FDX2: variants seen among roughly 807,000 people sequenced by gnomAD.
FDX2 encodes the protein ferredoxin-2, mitochondrial.
In FDX2, 13 loss-of-function variants were observed where a neutral mutation model predicts 18.5. The observed-to-expected ratio is 0.70, with a 90% CI of 0.46 to 1.12. The LOEUF (loss-of-function observed/expected upper bound fraction) is 1.12. Ranked by LOEUF, FDX2 falls within the 50% of genes most tolerant of loss-of-function variation. The pLI is 0.00. For missense variants in FDX2, 238 were observed against 250.4 expected (o/e 0.95, Z 0.34); for synonymous variants, 132 against 106.2 (o/e 1.24, Z -1.49).
rs115898167 is a variant in FDX2 at position 10,314,335 on chromosome 19, C to A, written c.316+1051G>T. 7.3e-3 allele frequency among the ~76,000 whole-genome samples: 1,110 copies of A among 152,302 alleles called. 15 individuals carry two copies. The highest frequency in any genetic ancestry group is 0.026 in the African/African-American group (1,065 of 41,554). On this transcript the variant is annotated intron_variant, in intron 3 of 4. Transcript: ENST00000393708. ...TCAACAAATTATCAAACATCTGTTA[C>A]ATCTTGACAGGCAACAGATAAGCAT...
chr19:10,311,764 C>G (rs1207228367), intron 3 of FDX2, among the ~76,000 whole-genome samples: 1 of 146,718 alleles, frequency 6.8e-6, no homozygotes, highest in Non-Finnish European at 1.5e-5. Flanking sequence ...AGTGCCATGG[C>G]TCAGTCATAG....
chr19:10,312,662 C>T (rs8101473), intron 3 of FDX2, among the ~76,000 whole-genome samples: 127,953 of 152,090 alleles, frequency 0.84, 54,457 homozygotes, highest in African/African-American at 0.93. Context: ...CCTCCCAGAG[C>T]AGCTGGGACT....
rs1384753712 is a variant in FDX2 at position 10,310,904 on chromosome 19, T to C, written c.353A>G (p.His118Arg). 12 of 1,613,356 alleles carry C rather than the reference T, an allele frequency of 7.4e-6. No individual in the cohort carries two copies. The highest frequency in any genetic ancestry group is 1.0e-5 in the Non-Finnish European group (12 of 1,179,810). Reference sequence around the variant, plus strand: ...CAGGTGGTCTTCACTCACATACACATGGCAGGTGGAGCAGGCCAGGGAGGC... The same window carrying C: ...CAGGTGGTCTTCACTCACATACACACGGCAGGTGGAGCAGGCCAGGGAGGC... The change falls in exon 4 of 5, where the codon CAT (histidine) becomes CGT (arginine). Residue 118 changes from histidine to arginine, a missense_variant. By Grantham distance (29) the His-to-Arg change is conservative (BLOSUM62 0). Coordinates refer to ENST00000393708, the MANE Select transcript of FDX2 (RefSeq NM_001031734.4).
chr19:10,310,700 GC>G, intron 4 of FDX2, 58 bp from the exon 5 acceptor site: 1 of 808,780 alleles, frequency 1.2e-6, no homozygotes, highest in Non-Finnish European at 1.9e-6. Flanking sequence ...TGGGTGGGGG[GC>G]CAGAGGTGGG....
rs142497681 is a variant in FDX2 at position 10,315,615 on chromosome 19, G to A, written c.209+90C>T. The A allele has an allele frequency of 1.2e-4, 188 of 1,516,984 alleles. No individual in the cohort carries two copies. In the East Asian group the frequency reaches 4.5e-3, roughly 36 times the overall value. 94.0% of individuals were successfully genotyped at this position (1,516,984 alleles called of 1,614,324 possible). On this transcript the variant is annotated intron_variant, in intron 2 of 4. Transcript: ENST00000393708. ...AGGTACTGAATAGGGCAAAGCAGAA[G>A]GGGGACCTCGAGATGAAGCTACAGG... is the stretch of plus-strand genomic sequence containing the variant.
Position 10,310,499 on chromosome 19 carries a change from G to A in FDX2, c.548C>T (p.Pro183Leu). Reference sequence around the variant, plus strand: ...CAGGTGTTCATGTCAGTGGGGCTTGGGGACATGGCCATCCACGTAGAAGTT... The same window carrying A: ...CAGGTGTTCATGTCAGTGGGGCTTGAGGACATGGCCATCCACGTAGAAGTT... The change falls in exon 5 of 5, where the codon CCC becomes CTC. Residue 183 changes from proline (P) to leucine (L), a missense_variant. Coordinates refer to ENST00000393708, the MANE Select transcript of FDX2 (RefSeq NM_001031734.4). 1 of 1,614,170 alleles carries A rather than the reference G, an allele frequency of 6.2e-7. No homozygotes were observed. Among genetic ancestry groups the A allele is most frequent in the Non-Finnish European group, 8.5e-7 (1 of 1,180,026 alleles).
At chr19:10,311,697 G>A (rs2040326369) in intron 3 of FDX2, among the ~76,000 whole-genome samples, 1 of 145,314 alleles carries the variant, frequency 6.9e-6, no homozygotes, top group African/African-American at 2.5e-5. Context: ...ACTGCACCCG[G>A]CCAGGATTTT....
chr19:10,311,475 G>A (rs1407119426), intron 3 of FDX2, among the ~76,000 whole-genome samples: 2 of 150,516 alleles, frequency 1.3e-5, no homozygotes, highest in Admixed American at 6.7e-5. Flanking sequence ...TCGGCTCACT[G>A]CAAGCTCTGC....
intron 3 of FDX2, among the ~76,000 whole-genome samples, chr19:10,311,624 T>C (rs2040325461): frequency 6.6e-6 from 1 of 151,418 alleles, no homozygotes; most frequent in Non-Finnish European, 1.5e-5. Flanking sequence ...ATGGTCTTGA[T>C]CTCCTGACCT....
rs563357533 is a variant in FDX2 at position 10,315,782 on chromosome 19, C to G, written c.155-23G>C. 14 of 1,602,000 alleles carry G rather than the reference C, an allele frequency of 8.7e-6. No homozygotes were observed. The South Asian group carries it at 1.3e-4, about 15-fold the overall frequency. ...AGCCTGGAAAACACGGTTCGGTGAG[C>G]GGCTGCGCCGAGCCCCGCCCCGCCG... On this transcript the variant is annotated intron_variant, in intron 1 of 4. Coordinates refer to ENST00000393708, the MANE Select transcript of FDX2 (RefSeq NM_001031734.4).
chr19:10,314,015 G>A (rs895468214), intron 3 of FDX2, among the ~76,000 whole-genome samples: 2 of 136,116 alleles, frequency 1.5e-5, no homozygotes. Flanking sequence ...ACAGAGTCCC[G>A]CTCTGTCATG....
chr19:10,311,011 AGAG>A (rs1249096007), intron 3 of FDX2, 71 bp from the exon 4 acceptor site: 7 of 1,147,736 alleles, frequency 6.1e-6, no homozygotes, highest in Admixed American at 2.0e-5. Flanking sequence ...CGAATGGCGT[AGAG>A]GAGTAGACCT....
chr19:10,312,094 T>G (rs997198836), intron 3 of FDX2, among the ~76,000 whole-genome samples: 1 of 150,662 alleles, frequency 6.6e-6, no homozygotes, highest in Admixed American at 6.6e-5. Flanking sequence ...GGTCTTGAAC[T>G]CCTGACCTCA....
In FDX2 at chr19:10,310,458, GC is replaced by G; in HGVS notation, c.*27del. 6.2e-7 allele frequency: 1 copy of G among 1,613,886 alleles called. No homozygotes were observed. Among genetic ancestry groups the G allele is most frequent in the Non-Finnish European group, 8.5e-7 (1 of 1,179,800 alleles). On this transcript the variant is annotated 3_prime_UTR_variant, in exon 5 of 5. Transcript: ENST00000393708. ...CCTCAATCTGGGCCCTGGGGCCATG[GC>G]AATGTGGAATGGTCCAGGTGTTCAT...
intron 2 of FDX2, 103 bp downstream of exon 2, chr19:10,315,602 G>A (rs2040374129): frequency 6.6e-7 from 1 of 1,516,684 alleles, no homozygotes; most frequent in Non-Finnish European, 9.0e-7. Flanking sequence ...GTACTGAATA[G>A]GGCAAAGCAG....
chr19:10,310,704 G>A lies in FDX2; in HGVS notation c.405-62C>T. The A allele has an allele frequency of 2.2e-6, 3 of 1,343,264 alleles. No individual in the cohort carries two copies. In the South Asian group the frequency reaches 3.7e-5, roughly 16 times the overall value. 83.2% of individuals were successfully genotyped at this position (1,343,264 alleles called of 1,614,324 possible). ...AGCTAGCTGGGTGGGTGGGGGGCCA[G>A]AGGTGGGGGAGGGAGGAAGCTGACT... is the stretch of plus-strand genomic sequence containing the variant. On this transcript the variant is annotated intron_variant, in intron 4 of 4. Coordinates refer to ENST00000393708, the MANE Select transcript of FDX2 (RefSeq NM_001031734.4).
intron 3 of FDX2, among the ~76,000 whole-genome samples, chr19:10,314,775 G>A (rs934946614): frequency 6.6e-6 from 1 of 152,208 alleles, no homozygotes; most frequent in Non-Finnish European, 1.5e-5. Context: ...AGGCCCCGAA[G>A]CAGGAATGAG....
chr19:10,310,388 C>G lies in FDX2; in HGVS notation c.*98G>C. On this transcript the variant is annotated 3_prime_UTR_variant, in exon 5 of 5. Coordinates refer to ENST00000393708, the MANE Select transcript of FDX2 (RefSeq NM_001031734.4). ...CCTTCACAGGGGCTTCCACGTCTCTCCCGGGCCTGTCCGCACTCTGGGCAG... is the reference window on the plus strand; with the variant it reads ...CCTTCACAGGGGCTTCCACGTCTCTGCCGGGCCTGTCCGCACTCTGGGCAG... 1 of 1,519,640 alleles carries G rather than the reference C, an allele frequency of 6.6e-7. No individual in the cohort carries two copies. Among genetic ancestry groups the G allele is most frequent in the Non-Finnish European group, 9.0e-7 (1 of 1,112,824 alleles). The allele number at this position is 1,519,640 out of a possible 1,614,324, so 94.1% of individuals were successfully genotyped here.
chr19:10,314,248 T>C (rs918465732), intron 3 of FDX2, among the ~76,000 whole-genome samples: 3 of 152,192 alleles, frequency 2.0e-5, no homozygotes, highest in Non-Finnish European at 4.4e-5. Flanking sequence ...CCTCCCAAAG[T>C]GTTGGGATTA....
Sources: gnomAD v4.1 joint callset for allele counts (sites outside exome capture counted in the v4.1 genomes callset) on GRCh38, gnomAD v4.1.1 for gene constraint, MANE v1.5 for transcripts, NCBI Gene and HGNC (gene_info 2026-07-23, HGNC 2026-07-21) for gene names.